The following TBC1D22A variants were observed in gnomAD, a reference collection of about 807,000 sequenced individuals.
TBC1D22A encodes the protein putative GTPase activator.
In TBC1D22A, 38 loss-of-function variants were observed where a neutral mutation model predicts 60.2. The observed-to-expected ratio is 0.63, with a 90% confidence interval of 0.49 to 0.83. The LOEUF is 0.83. Among genes scored for constraint, TBC1D22A ranks in the 40% least tolerant of loss-of-function variants. The pLI is 0.00. For missense variants in TBC1D22A, 628 were observed against 701.0 expected (o/e 0.90, Z 1.18); for synonymous variants, 302 against 281.7 (o/e 1.07, Z -0.72).
intron 1 of TBC1D22A, among the ~76,000 whole-genome samples, chr22:46,766,004 TG>T (rs1556000694): frequency 1.0e-4 from 14 of 138,354 alleles, no homozygotes; most frequent in Admixed American, 8.8e-4. Context: ...TGTGTGTGTG[TG>T]TATTTTTTTT....
intron 7 of TBC1D22A, among the ~76,000 whole-genome samples, chr22:46,908,075 C>A (rs917974035): frequency 1.3e-5 from 2 of 152,190 alleles, no homozygotes; most frequent in Non-Finnish European, 2.9e-5. Flanking sequence ...TCGTCAGGGT[C>A]TTGGAAAGCC....
chr22:47,014,500 GGGT>G (rs1252382828), intron 10 of TBC1D22A, among the ~76,000 whole-genome samples: 1 of 152,210 alleles, frequency 6.6e-6, no homozygotes, highest in Non-Finnish European at 1.5e-5. Flanking sequence ...CAGGGCCCGG[GGGT>G]AGGGGCAGCT....
chr22:47,162,204 T>C (rs1288100271), intron 12 of TBC1D22A, among the ~76,000 whole-genome samples: 6 of 89,842 alleles, frequency 6.7e-5, no homozygotes, highest in African/African-American at 1.2e-4. Context: ...TTTGAAAGGT[T>C]TTTTTTTTTT....
At chr22:46,804,099 T>C (rs1481226540) in intron 4 of TBC1D22A, among the ~76,000 whole-genome samples, 1 of 152,240 alleles carries the variant, frequency 6.6e-6, no homozygotes, top group Non-Finnish European at 1.5e-5. Flanking sequence ...GGCACCTCCT[T>C]GAGCCAAGGA....
In TBC1D22A at chr22:47,017,853, C is replaced by G. The variant is rs149315782; in HGVS notation, c.1202-19218C>G. Among the ~76,000 whole-genome samples, 63 of 152,262 alleles carry G rather than the reference C, an allele frequency of 4.1e-4. 3 individuals are homozygous for G. The East Asian group carries it at 0.012, about 29-fold the overall frequency. The stretch of plus-strand genomic sequence containing the variant: ...ATAAAGGAATCTCATTTTTAAACAC[C>G]TTCCATCTATTATTTAAAAGGTTTG... On this transcript the variant is annotated intron_variant, in intron 10 of 12. Transcript: ENST00000337137.
intron 11 of TBC1D22A, among the ~76,000 whole-genome samples, chr22:47,046,099 C>G (rs1003853249): frequency 3.3e-5 from 5 of 152,188 alleles, no homozygotes; most frequent in African/African-American, 1.2e-4. Context: ...CCCTGGGCCT[C>G]TGGGTGATGT....
At chr22:47,162,590 T>G (rs1053695635) in intron 12 of TBC1D22A, among the ~76,000 whole-genome samples, 3 of 152,098 alleles carry the variant, frequency 2.0e-5, no homozygotes, top group African/African-American at 7.2e-5. Flanking sequence ...AGCCTCAAGA[T>G]TGTCCTCCAG....
rs2068580465 is a variant in TBC1D22A, at chr22:47,173,687, G to T, written c.*61G>T. 3 of 1,606,240 alleles carry T rather than the reference G, an allele frequency of 1.9e-6. No individual in the cohort carries two copies. Among genetic ancestry groups the T allele is most frequent in the Non-Finnish European group, 2.6e-6 (3 of 1,175,684 alleles). On this transcript the variant is annotated 3_prime_UTR_variant, in exon 13 of 13. Transcript: ENST00000337137. ...GGTGGCGCGCCCCACCTGCCTGGCT[G>T]GTGGTAGGCCCCTGTGAGCTGGTCC...
intron 12 of TBC1D22A, among the ~76,000 whole-genome samples, chr22:47,147,769 G>A (rs1002383755): frequency 2.0e-5 from 3 of 152,240 alleles, no homozygotes; most frequent in Non-Finnish European, 4.4e-5. Flanking sequence ...CAGGTGGCCT[G>A]GCTGCACTGT....
In TBC1D22A at chr22:47,050,733, G is replaced by A. The variant is rs1295297168; in HGVS notation, c.1329+13535G>A. Among the ~76,000 whole-genome samples, 4 of 152,116 alleles carry A rather than the reference G, an allele frequency of 2.6e-5. No individual in the cohort carries two copies. The East Asian group carries it at 5.8e-4, about 22-fold the overall frequency. Reference sequence around the variant, plus strand: ...CAGGCCATGGCGGGGGCTCGGGAAGGGTCTTGTGAGGGCAGAACCTTGGGG... The same window carrying A: ...CAGGCCATGGCGGGGGCTCGGGAAGAGTCTTGTGAGGGCAGAACCTTGGGG... On this transcript the variant is annotated intron_variant, in intron 11 of 12. Coordinates refer to ENST00000337137, the MANE Select transcript of TBC1D22A (RefSeq NM_014346.5).
intron 1 of TBC1D22A, chr22:46,773,920 G>C: frequency 1.0e-6 from 1 of 985,474 alleles, no homozygotes; most frequent in Non-Finnish European, 1.2e-6. Flanking sequence ...GCTGGGGTTT[G>C]AACCTTAGAA....
chr22:46,883,872 C>A (rs6009016), intron 5 of TBC1D22A, among the ~76,000 whole-genome samples: 1 of 152,212 alleles, frequency 6.6e-6, no homozygotes, highest in Non-Finnish European at 1.5e-5. Context: ...TTTCTCTCCA[C>A]CTCTGTCTTC....
At chr22:47,089,613 G>A (rs1333551795) in intron 11 of TBC1D22A, among the ~76,000 whole-genome samples, 1 of 152,214 alleles carries the variant, frequency 6.6e-6, no homozygotes, top group African/African-American at 2.4e-5. Flanking sequence ...TGTCACTCTA[G>A]TCACCAGAGT....
At chr22:46,837,940 A>T (rs988639555) in intron 4 of TBC1D22A, among the ~76,000 whole-genome samples, 1 of 152,212 alleles carries the variant, frequency 6.6e-6, no homozygotes, top group Admixed American at 6.5e-5. Flanking sequence ...GGGTGCCTGT[A>T]ATCCCACCTA....
intron 12 of TBC1D22A, among the ~76,000 whole-genome samples, chr22:47,151,818 A>T (rs2067515346): frequency 6.6e-6 from 1 of 152,214 alleles, no homozygotes; most frequent in Non-Finnish European, 1.5e-5. Context: ...GTCGGGAAAG[A>T]GCAGCGTCAC....
intron 7 of TBC1D22A, among the ~76,000 whole-genome samples, chr22:46,902,090 C>T (rs1477953582): frequency 9.9e-5 from 15 of 152,192 alleles, no homozygotes; most frequent in East Asian, 5.8e-4. Context: ...TAGGTGGACA[C>T]GGTGAAGACC....
intron 11 of TBC1D22A, among the ~76,000 whole-genome samples, chr22:47,037,889 T>G (rs1040873239): frequency 3.9e-5 from 6 of 152,212 alleles, no homozygotes; most frequent in Non-Finnish European, 5.9e-5. Flanking sequence ...TCACACCTTG[T>G]CTATATTTTG....
chr22:47,007,761 G>T (rs1602965487), intron 10 of TBC1D22A, among the ~76,000 whole-genome samples: 2 of 152,098 alleles, frequency 1.3e-5, no homozygotes, highest in African/African-American at 4.8e-5. Flanking sequence ...CTCTTATAGG[G>T]ACACTAATCC....
intron 11 of TBC1D22A, among the ~76,000 whole-genome samples, chr22:47,049,054 G>A (rs1039246003): frequency 6.6e-6 from 1 of 152,238 alleles, no homozygotes; most frequent in African/African-American, 2.4e-5. Context: ...CAGGTTTCCA[G>A]TCCAATTTTC....
Sources: allele counts gnomAD v4.1 joint callset (sites outside exome capture counted in the v4.1 genomes callset), GRCh38; gene constraint gnomAD v4.1.1; transcripts MANE v1.5; gene names NCBI Gene and HGNC (gene_info 2026-07-23, HGNC 2026-07-21).